Variants in REV3L observed in about 807,000 individuals in gnomAD.
REV3L encodes REV3 like, DNA directed polymerase zeta catalytic subunit, also known as DNA polymerase zeta catalytic subunit.
Under a neutral mutation model 299.4 loss-of-function variants are expected in REV3L, and 69 were observed. The observed-to-expected ratio is 0.23, with a 90% confidence interval of 0.19 to 0.28. The LOEUF is 0.28. REV3L is among the 10% of genes least tolerant of loss of function. The probability of loss-of-function intolerance (pLI) is 1.00; values close to 1 mark genes in which losing one functional copy is unlikely to be tolerated. For synonymous variants in REV3L, 1,238 were observed against 1,271.4 expected (o/e 0.97, Z 0.56); for missense variants, 3,128 against 3,693.8 (o/e 0.85, Z 3.97).
At chr6:111,332,257 G>T (rs1395838730) in intron 23 of REV3L, among the ~76,000 whole-genome samples, 1 of 152,052 alleles carries the variant, frequency 6.6e-6, no homozygotes, top group Non-Finnish European at 1.5e-5. Context: ...ATTTTTAGTA[G>T]AGACAGGGTT....
At chr6:111,352,418 A>G (rs933761635) in intron 18 of REV3L, among the ~76,000 whole-genome samples, 4 of 152,176 alleles carry the variant, frequency 2.6e-5, no homozygotes, top group Non-Finnish European at 4.4e-5. Context: ...TATATGAGTG[A>G]AGGTACAAGT....
chr6:111,421,125 C>T (rs141594253), intron 1 of REV3L, among the ~76,000 whole-genome samples: 1,629 of 152,194 alleles, frequency 0.011, 22 homozygotes, highest in African/African-American at 0.038. Flanking sequence ...GAGACTCCAT[C>T]TCAAAAAAAA....
intron 10 of REV3L, 40 bp downstream of exon 10, chr6:111,381,285 A>T (rs1562225566): frequency 3.7e-6 from 6 of 1,600,514 alleles, no homozygotes; most frequent in Non-Finnish European, 4.3e-6. Flanking sequence ...ATTTTCTCTG[A>T]ATTACAATAC....
chr6:111,386,417 G>T (rs746220742), intron 9 of REV3L, among the ~76,000 whole-genome samples: 13 of 152,076 alleles, frequency 8.5e-5, no homozygotes, highest in Non-Finnish European at 1.6e-4. Context: ...CACACACTAG[G>T]ATGGCTACAT....
At chr6:111,428,305 C>T (rs1470931371) in intron 1 of REV3L, among the ~76,000 whole-genome samples, 3 of 151,918 alleles carry the variant, frequency 2.0e-5, no homozygotes, top group Non-Finnish European at 4.4e-5. Context: ...GTAACTTTTA[C>T]AAGGCAAAGC....
At chr6:111,300,287 A>G (rs929726599) in intron 31 of REV3L, 131 bp from the exon 32 acceptor site, 15 of 615,590 alleles carry the variant, frequency 2.4e-5, no homozygotes, top group Non-Finnish European at 3.4e-5. Context: ...AGAAACTTTC[A>G]TTAATTTTAA....
At chr6:111,377,897 A>C (rs1162937915) in intron 11 of REV3L, 54 bp from the exon 12 acceptor site, 11 of 1,458,152 alleles carry the variant, frequency 7.5e-6, no homozygotes, top group African/African-American at 7.1e-5. Context: ...AGACCATCTC[A>C]GATGCAAATA....
intron 5 of REV3L, among the ~76,000 whole-genome samples, chr6:111,392,217 A>G (rs957200692): frequency 1.3e-5 from 2 of 152,352 alleles, no homozygotes; most frequent in South Asian, 4.1e-4. Context: ...GAAATTTACA[A>G]CTTGCCCTTA....
intron 1 of REV3L, among the ~76,000 whole-genome samples, chr6:111,433,352 A>C (rs115953449): frequency 0.028 from 4,338 of 152,268 alleles, 75 homozygotes; most frequent in South Asian, 0.079. Flanking sequence ...CAGAAACAAA[A>C]GAGGAGATAA....
At position 111,375,714 on chromosome 6, in the gene REV3L, T is replaced by C. The variant is rs1038542327; in HGVS notation, c.2641A>G (p.Thr881Ala). ...NALASDLTKTTRGAFENKTPT... is the reference protein window; with the variant it reads ...NALASDLTKTARGAFENKTPT... ...GTTTTATTTTCAAAAGCTCCACGAG[T>C]GGTTTTAGTTAAATCACTAGCCAAT... The change falls in exon 13 of 32, where the codon ACT (threonine) becomes GCT (alanine). Residue 881 changes from threonine to alanine, a missense_variant. Thr to Ala is a moderately conservative substitution (Grantham distance 58). Around this residue, in one of 9 missense-constraint regions of REV3L, gnomAD observed 2,409 missense variants for 2,611.8 expected, o/e 0.92. Coordinates refer to ENST00000368802, the MANE Select transcript of REV3L (RefSeq NM_001372078.1). The C allele has an allele frequency of 8.1e-6, 13 of 1,613,784 alleles. No individual in the cohort carries two copies. The Admixed American group carries it at 1.2e-4, about 14-fold the overall frequency.
chr6:111,392,862 C>CA lies in REV3L; in HGVS notation c.662+13dup. On this transcript the variant is annotated intron_variant, in intron 5 of 31. Transcript: ENST00000368802. The stretch of plus-strand genomic sequence containing the variant: ...ATATGTAAAATTTTCATTTCCTTTA[C>CA]AACATTAACTAACCTTGGTATTTCA... 6.5e-7 allele frequency: 1 copy of CA among 1,539,436 alleles called. No homozygotes were observed. The highest frequency in any genetic ancestry group is 1.1e-5 in the South Asian group (1 of 89,536).
intron 1 of REV3L, among the ~76,000 whole-genome samples, chr6:111,422,646 A>ACG (rs1785627033): frequency 4.1e-5 from 1 of 24,600 alleles, no homozygotes; most frequent in African/African-American, 7.7e-5. Context: ...ATATATATAT[A>ACG]TACATATATA....
chr6:111,431,344 A>C, intron 1 of REV3L: 2 of 1,039,690 alleles, frequency 1.9e-6, no homozygotes, highest in Non-Finnish European at 3.0e-6. Flanking sequence ...TAGAGCCACC[A>C]GGATGTCTGG....
At position 111,387,993 on chromosome 6, in the gene REV3L, C is replaced by A. The variant is rs1052446173; in HGVS notation, c.947+8G>T. ...TAGTTCTGAGATCTATAATAAATAACCACTTACACAGAGAAATCATTCTGT... is the reference window on the plus strand; with the variant it reads ...TAGTTCTGAGATCTATAATAAATAAACACTTACACAGAGAAATCATTCTGT... On this transcript the variant is annotated splice_region_variant and intron_variant, in intron 8 of 31. Transcript: ENST00000368802. The A allele has an allele frequency of 6.2e-7, 1 of 1,609,324 alleles. No homozygotes were observed. The highest frequency in any genetic ancestry group is 1.1e-5 in the South Asian group (1 of 90,644).
At chr6:111,383,894 C>T (rs1437166706) in intron 9 of REV3L, among the ~76,000 whole-genome samples, 2 of 152,272 alleles carry the variant, frequency 1.3e-5, no homozygotes, top group Non-Finnish European at 2.9e-5. Context: ...CGGCATGATA[C>T]TGGCATAAAA....
chr6:111,366,177 CATGTATAT>C (rs1360752561), intron 14 of REV3L, among the ~76,000 whole-genome samples: 1 of 152,010 alleles, frequency 6.6e-6, no homozygotes, highest in East Asian at 1.9e-4. Context: ...TATGTGGAGG[CATGTATAT>C]ATAAGTGTGT....
intron 16 of REV3L, among the ~76,000 whole-genome samples, chr6:111,363,213 A>C (rs1362477615): frequency 6.6e-6 from 1 of 152,234 alleles, no homozygotes; most frequent in Non-Finnish European, 1.5e-5. Context: ...CACTCAGCCA[A>C]TCAAACAGAA....
intron 25 of REV3L, among the ~76,000 whole-genome samples, chr6:111,324,576 G>A (rs1197591019): frequency 6.6e-6 from 1 of 152,146 alleles, no homozygotes; most frequent in Non-Finnish European, 1.5e-5. Context: ...ATACATAGTG[G>A]TCTTAAATGT....
chr6:111,453,496 G>A (rs1484866187), intron 1 of REV3L, among the ~76,000 whole-genome samples: 1 of 152,070 alleles, frequency 6.6e-6, no homozygotes, highest in Non-Finnish European at 1.5e-5. Flanking sequence ...TCCTGGACTT[G>A]GATAGGAACA....
Sources: gnomAD v4.1 joint callset for allele counts (sites outside exome capture counted in the v4.1 genomes callset) on GRCh38, gnomAD v4.1.1 for gene constraint, gnomAD v4.1.1 regional missense constraint, MANE v1.5 for transcripts, NCBI Gene and HGNC (gene_info 2026-07-23, HGNC 2026-07-21) for gene names.